SH3GL1: variants seen among roughly 807,000 people sequenced by gnomAD.
SH3GL1 encodes the protein endophilin-A2.
A neutral mutation model predicts 48.8 loss-of-function variants in SH3GL1; 21 were observed. The observed-to-expected ratio is 0.43, with a 90% CI of 0.30 to 0.62. The LOEUF (loss-of-function observed/expected upper bound fraction) is 0.62. SH3GL1 is among the 20% of genes least tolerant of loss of function. SH3GL1 has a pLI of 0.11. For missense variants in SH3GL1, 454 were observed against 503.0 expected (o/e 0.90, Z 0.93); for synonymous variants, 282 against 217.5 (o/e 1.30, Z -2.61).
intron 1 of SH3GL1, among the ~76,000 whole-genome samples, chr19:4,393,204 T>C (rs1169807130): frequency 4.0e-5 from 6 of 151,426 alleles, no homozygotes; most frequent in East Asian, 1.9e-4. Flanking sequence ...GAGGTTGCAG[T>C]GAGGTGAGAT....
At chr19:4,362,543 C>T in intron 8 of SH3GL1, 69 bp downstream of exon 8, 1 of 1,605,440 alleles carries the variant, frequency 6.2e-7, no homozygotes, top group African/African-American at 1.3e-5. Flanking sequence ...AGACCCAGGA[C>T]AGGGCCAGCC....
At chr19:4,384,530 T>C (rs544248347) in intron 1 of SH3GL1, among the ~76,000 whole-genome samples, 3 of 152,320 alleles carry the variant, frequency 2.0e-5, no homozygotes, top group East Asian at 1.9e-4. Flanking sequence ...TTGCCTAGGC[T>C]GGAGTGCAGT....
At chr19:4,365,200 C>G (rs1265270156) in intron 4 of SH3GL1, among the ~76,000 whole-genome samples, 1 of 152,140 alleles carries the variant, frequency 6.6e-6, no homozygotes, top group Non-Finnish European at 1.5e-5. Flanking sequence ...CCTAGGTTTG[C>G]CCTTAACAGG....
intron 1 of SH3GL1, among the ~76,000 whole-genome samples, chr19:4,370,905 G>A (rs1972886607): frequency 6.6e-6 from 1 of 152,254 alleles, no homozygotes; most frequent in Non-Finnish European, 1.5e-5. Context: ...GGTTTGGCAA[G>A]ACTGGCTTGT....
In SH3GL1 at chr19:4,389,699, G is replaced by C. The variant is rs377602083; in HGVS notation, c.45+10625C>G. On this transcript the variant is annotated intron_variant, in intron 1 of 9. Coordinates refer to ENST00000269886, the MANE Select transcript of SH3GL1 (RefSeq NM_003025.4). The surrounding 1 kb of genome is among the most constrained non-coding windows in gnomAD (Gnocchi z 4.5). ...GGGTGGGGGCCACGGTGGCCCATCCGTCCTTCCATGTGATATTTACCGGCT... is the reference window on the plus strand; with the variant it reads ...GGGTGGGGGCCACGGTGGCCCATCCCTCCTTCCATGTGATATTTACCGGCT... Among the ~76,000 whole-genome samples the C allele has an allele frequency of 6.6e-6, 1 of 152,184 alleles. No individual in the cohort carries two copies. The highest frequency in any genetic ancestry group is 1.5e-5 in the Non-Finnish European group (1 of 68,028).
chr19:4,390,002 A>G (rs1973306655), intron 1 of SH3GL1: 1 of 152,280 alleles, frequency 6.6e-6, no homozygotes, highest in Non-Finnish European at 1.5e-5. Context: ...CCGCCCCTAC[A>G]GACTGTGTCA....
Position 4,362,340 on chromosome 19 carries a change from C to G in SH3GL1, c.899G>C (p.Ser300Thr). 5 of 1,612,126 alleles carry G rather than the reference C, an allele frequency of 3.1e-6. No individual in the cohort carries two copies. The highest frequency in any genetic ancestry group is 1.7e-6 in the Non-Finnish European group (2 of 1,179,056). ...CTGGGAACACTCACGCATGCTCCGGCTAGGGGTCCGGATGGGCTTGTCGGA... is the reference window on the plus strand; with the variant it reads ...CTGGGAACACTCACGCATGCTCCGGGTAGGGGTCCGGATGGGCTTGTCGGA... ...RSSDKPIRTPSRSMPPLDQPS... is the reference protein window; with the variant it reads ...RSSDKPIRTPTRSMPPLDQPS... The change falls in exon 9 of 10, where the codon AGC becomes ACC. Residue 300 changes from serine (S) to threonine (T), a missense_variant. Physicochemically the swap from Ser to Thr is moderately conservative, Grantham distance 58 (BLOSUM62 1). Transcript: ENST00000269886.
intron 1 of SH3GL1, among the ~76,000 whole-genome samples, chr19:4,381,592 ACCCTGCCTCCGTCTC>A (rs61715750): frequency 0.3 from 12,116 of 40,788 alleles, 1,418 homozygotes; most frequent in East Asian, 0.59. Flanking sequence ...CTCTCTGTCT[ACCCTGCCTCCGTCTC>A]CCCTGCCTCT....
Position 4,360,611 on chromosome 19 carries a change from G to A in SH3GL1, c.*989C>T, listed in dbSNP as rs932433723. On this transcript the variant is annotated 3_prime_UTR_variant, in exon 10 of 10. Coordinates refer to ENST00000269886, the MANE Select transcript of SH3GL1 (RefSeq NM_003025.4). ...CCATTTCATCGATTTTGCATTGGGC[G>A]ATAGAGGAAGCAGATGTCGGGGCTG... 6.9e-5 allele frequency: 16 copies of A among 233,066 alleles called. No individual in the cohort carries two copies. The highest frequency in any genetic ancestry group is 1.2e-4 in the East Asian group (2 of 16,530). The allele number at this position is 233,066 out of a possible 1,614,324, so 14.4% of individuals were successfully genotyped here.
At chr19:4,362,296 C>A (rs1047687946) in intron 9 of SH3GL1, 33 bp downstream of exon 9, 14 of 1,603,074 alleles carry the variant, frequency 8.7e-6, no homozygotes, top group Non-Finnish European at 1.2e-5. Flanking sequence ...GAGAAGGCAG[C>A]ACTGAGGTCG....
intron 1 of SH3GL1, among the ~76,000 whole-genome samples, chr19:4,382,052 T>C (rs1973144832): frequency 6.6e-6 from 1 of 152,094 alleles, no homozygotes; most frequent in African/African-American, 2.4e-5. Flanking sequence ...TGAGATACTA[T>C]GAGCTGCACT....
intron 1 of SH3GL1, among the ~76,000 whole-genome samples, chr19:4,396,599 C>T (rs758295850): frequency 2.0e-5 from 3 of 152,030 alleles, no homozygotes; most frequent in Non-Finnish European, 4.4e-5. Flanking sequence ...CTAGGAAAAT[C>T]GTAAGAATGG....
At chr19:4,362,942 C>G (rs543294179) in intron 7 of SH3GL1, among the ~76,000 whole-genome samples, 1 of 152,242 alleles carries the variant, frequency 6.6e-6, no homozygotes, top group East Asian at 1.9e-4. Flanking sequence ...TTGGAGGCAT[C>G]CCAGAGATTG....
rs1403889376 is a variant in SH3GL1 at position 4,367,688 on chromosome 19, G to C, written c.46-694C>G. On this transcript the variant is annotated intron_variant, in intron 1 of 9. Coordinates refer to ENST00000269886, the MANE Select transcript of SH3GL1 (RefSeq NM_003025.4). This position sits in a 1 kb window ranked among gnomAD's most constrained non-coding sequence, Gnocchi z 4.2. ...ACAGGCACTTACAGCGTCTTTCCTCGTGTGGTGGGAAGGCAGAAGCAAGCA... is the reference window on the plus strand; with the variant it reads ...ACAGGCACTTACAGCGTCTTTCCTCCTGTGGTGGGAAGGCAGAAGCAAGCA... Among the ~76,000 whole-genome samples the C allele has an allele frequency of 2.6e-5, 4 of 152,200 alleles. No individual in the cohort carries two copies. The highest frequency in any genetic ancestry group is 4.4e-5 in the Non-Finnish European group (3 of 68,044).
chr19:4,369,720 G>A (rs1174294585), intron 1 of SH3GL1, among the ~76,000 whole-genome samples: 1 of 152,202 alleles, frequency 6.6e-6, no homozygotes, highest in Non-Finnish European at 1.5e-5. Context: ...ACAACCGCCT[G>A]ACTCCTCGCA....
chr19:4,386,048 AGAT>A (rs987900690), intron 1 of SH3GL1, among the ~76,000 whole-genome samples: 4 of 152,220 alleles, frequency 2.6e-5, no homozygotes, highest in African/African-American at 9.6e-5. Flanking sequence ...GAGAGGATGA[AGAT>A]GATCTTATGC....
chr19:4,362,417 C>T lies in SH3GL1; in HGVS notation c.854-32G>A, dbSNP rs191624025. On this transcript the variant is annotated intron_variant, in intron 8 of 9. Coordinates refer to ENST00000269886, the MANE Select transcript of SH3GL1 (RefSeq NM_003025.4). ...ACAAGCAAAACGAGGAGGCTGTGGG[C>T]TCAAAACGGTCGGGCAGGGCCCCTT... 32 of 1,601,158 alleles carry T rather than the reference C, an allele frequency of 2.0e-5. No individual in the cohort carries two copies. In the African/African-American group the frequency reaches 3.3e-4, roughly 17 times the overall value.
At chr19:4,366,658 C>T (rs1972787480) in intron 2 of SH3GL1, 85 bp from the exon 3 acceptor site, 2 of 1,295,282 alleles carry the variant, frequency 1.5e-6, no homozygotes, top group South Asian at 1.2e-5. Flanking sequence ...CGCCTCCTGC[C>T]CTAAGAGCCC....
At chr19:4,395,267 G>A (rs1169892538) in intron 1 of SH3GL1, among the ~76,000 whole-genome samples, 2 of 152,164 alleles carry the variant, frequency 1.3e-5, no homozygotes, top group Non-Finnish European at 2.9e-5. Context: ...AGCGATAAAG[G>A]TTCCTCGTGA....
Sources: gnomAD v4.1 joint callset for allele counts (sites outside exome capture counted in the v4.1 genomes callset) on GRCh38, gnomAD v4.1.1 for gene constraint, Gnocchi (gnomAD v3.1) non-coding constraint, MANE v1.5 for transcripts, NCBI Gene and HGNC (gene_info 2026-07-23, HGNC 2026-07-21) for gene names.